The following EFNA5 variants were observed in gnomAD, a reference collection of about 807,000 sequenced individuals.
EFNA5 encodes the protein ephrin-A5.
EFNA5 carries 5 observed loss-of-function variants against 22.9 expected under a neutral mutation model. That is an observed-to-expected ratio of 0.22 (90% CI 0.11 to 0.46). EFNA5 has a LOEUF of 0.46. EFNA5 is among the 20% of genes least tolerant of loss of function. EFNA5 has a pLI of 0.99. For missense variants in EFNA5, 237 were observed against 293.3 expected (o/e 0.81, Z 1.40); for synonymous variants, 113 against 112.2 (o/e 1.01, Z -0.04).
intron 1 of EFNA5, among the ~76,000 whole-genome samples, chr5:107,646,016 A>G (rs1216016933): frequency 1.3e-5 from 2 of 152,208 alleles, no homozygotes; most frequent in Non-Finnish European, 2.9e-5. Context: ...AAGAATAATC[A>G]TAGGTTAGCT....
chr5:107,615,515 G>A (rs1041500576), intron 1 of EFNA5, among the ~76,000 whole-genome samples: 2 of 152,170 alleles, frequency 1.3e-5, no homozygotes, highest in African/African-American at 4.8e-5. Flanking sequence ...CAGTCAGACA[G>A]TCATTTAGCT....
At chr5:107,514,757 A>G (rs1747441085) in intron 1 of EFNA5, among the ~76,000 whole-genome samples, 1 of 152,286 alleles carries the variant, frequency 6.6e-6, no homozygotes, top group African/African-American at 2.4e-5. Context: ...AGTCTCTACA[A>G]GGATTCTATG....
chr5:107,440,311 G>A (rs1749222233), intron 1 of EFNA5, among the ~76,000 whole-genome samples: 1 of 152,164 alleles, frequency 6.6e-6, no homozygotes, highest in Non-Finnish European at 1.5e-5. Context: ...TTAAATGCTT[G>A]TCTATCTCAA....
At position 107,386,329 on chromosome 5, in the gene EFNA5, A is replaced by G. The variant is rs552976472; in HGVS notation, c.565+906T>C. 1.4e-4 allele frequency among the ~76,000 whole-genome samples: 21 copies of G among 152,192 alleles called. 1 individual carries two copies. In the South Asian group the frequency reaches 4.4e-3, roughly 32 times the overall value. ...GACACCACAGAGGAAGGAAACACAC[A>G]GGGCCTCCAGGCACACCCCTCCATA... On this transcript the variant is annotated intron_variant, in intron 4 of 4. Coordinates refer to ENST00000333274, the MANE Select transcript of EFNA5 (RefSeq NM_001962.3).
chr5:107,381,637 G>A (rs1048194949), intron 4 of EFNA5, among the ~76,000 whole-genome samples: 2 of 152,028 alleles, frequency 1.3e-5, no homozygotes, highest in East Asian at 1.9e-4. Context: ...GTAACCTTTG[G>A]CCTGTGAGCT....
chr5:107,595,633 G>A (rs1371669760), intron 1 of EFNA5, among the ~76,000 whole-genome samples: 1 of 152,174 alleles, frequency 6.6e-6, no homozygotes, highest in Non-Finnish European at 1.5e-5. Context: ...TTAGAAAAGT[G>A]TTCACATCTG....
intron 1 of EFNA5, among the ~76,000 whole-genome samples, chr5:107,510,437 C>T (rs550372060): frequency 2.0e-5 from 3 of 152,152 alleles, no homozygotes; most frequent in Non-Finnish European, 4.4e-5. Context: ...CAAGCTGCTG[C>T]TCTGCCTATG....
intron 2 of EFNA5, among the ~76,000 whole-genome samples, chr5:107,396,887 C>T (rs1747940974): frequency 6.6e-6 from 1 of 151,910 alleles, no homozygotes; most frequent in Non-Finnish European, 1.5e-5. Flanking sequence ...GCTAGAGGGA[C>T]CGTAGGACAA....
At chr5:107,456,608 T>C (rs1749705872) in intron 1 of EFNA5, among the ~76,000 whole-genome samples, 1 of 152,122 alleles carries the variant, frequency 6.6e-6, no homozygotes. Flanking sequence ...CAAGTGCTGT[T>C]GCAACTGTGC....
chr5:107,381,210 C>T lies in EFNA5; in HGVS notation c.*45G>A. 6.3e-7 allele frequency: 1 copy of T among 1,580,392 alleles called. No individual in the cohort carries two copies. The highest frequency in any genetic ancestry group is 1.1e-5 in the South Asian group (1 of 87,972). On this transcript the variant is annotated 3_prime_UTR_variant, in exon 5 of 5. Transcript: ENST00000333274. ...GCAGTTAGGTGGATCTCTGGTGTTC[C>T]AAGACCCTGATGTTTTCTGTGACAA...
At chr5:107,437,672 T>C (rs1749152075) in intron 1 of EFNA5, among the ~76,000 whole-genome samples, 1 of 152,164 alleles carries the variant, frequency 6.6e-6, no homozygotes, top group Non-Finnish European at 1.5e-5. Flanking sequence ...TTGCACATAG[T>C]AGCGACTACA....
chr5:107,458,099 T>A (rs1381160006), intron 1 of EFNA5, among the ~76,000 whole-genome samples: 1 of 152,192 alleles, frequency 6.6e-6, no homozygotes, highest in African/African-American at 2.4e-5. Context: ...TATTTATTGT[T>A]GGGCTTGGCT....
chr5:107,551,671 G>A (rs1748300861), intron 1 of EFNA5, among the ~76,000 whole-genome samples: 1 of 152,022 alleles, frequency 6.6e-6, no homozygotes, highest in Non-Finnish European at 1.5e-5. Context: ...TACCAAACAG[G>A]ACACTTAGGA....
At chr5:107,600,054 A>G (rs1454268580) in intron 1 of EFNA5, among the ~76,000 whole-genome samples, 2 of 152,236 alleles carry the variant, frequency 1.3e-5, no homozygotes, top group Non-Finnish European at 2.9e-5. Flanking sequence ...GAATGACAGA[A>G]GAACCTGGAT....
At chr5:107,469,489 C>T (rs1750080911) in intron 1 of EFNA5, among the ~76,000 whole-genome samples, 1 of 152,058 alleles carries the variant, frequency 6.6e-6, no homozygotes, top group Non-Finnish European at 1.5e-5. Flanking sequence ...TAACAACAGG[C>T]AGTTCAGTAT....
At chr5:107,660,978 T>C (rs770919262) in intron 1 of EFNA5, among the ~76,000 whole-genome samples, 13 of 151,870 alleles carry the variant, frequency 8.6e-5, no homozygotes, top group Non-Finnish European at 1.5e-4. Context: ...AGTAAACAAA[T>C]ATATGAAGAA....
intron 1 of EFNA5, among the ~76,000 whole-genome samples, chr5:107,441,036 TACAAATATAA>T: frequency 6.6e-6 from 1 of 151,428 alleles, no homozygotes; most frequent in Admixed American, 6.6e-5. Flanking sequence ...TTTTCAGTTC[TACAAATATAA>T]AGTATTCCTT....
intron 1 of EFNA5, among the ~76,000 whole-genome samples, chr5:107,562,369 T>A (rs1748567546): frequency 6.6e-6 from 1 of 151,996 alleles, no homozygotes; most frequent in African/African-American, 2.4e-5. Flanking sequence ...TCTCTCTCTC[T>A]CTCACATACA....
At chr5:107,501,028 C>T (rs148716504) in intron 1 of EFNA5, among the ~76,000 whole-genome samples, 401 of 152,226 alleles carry the variant, frequency 2.6e-3, no homozygotes, top group African/African-American at 8.4e-3. Context: ...TACCTGGTGT[C>T]GTCTTGGTTT....
Sources: gnomAD v4.1 joint callset for allele counts (sites outside exome capture counted in the v4.1 genomes callset) on GRCh38, gnomAD v4.1.1 for gene constraint, MANE v1.5 for transcripts, NCBI Gene and HGNC (gene_info 2026-07-23, HGNC 2026-07-21) for gene names.